LIPI: variants seen among roughly 807,000 people sequenced by gnomAD.
LIPI encodes lipase member I.
Under a neutral mutation model 50.6 loss-of-function variants are expected in LIPI, and 59 were observed. That is an observed-to-expected ratio of 1.16 (90% confidence interval 0.94 to 1.45). The LOEUF is 1.45. Ranked by LOEUF, LIPI falls within the 40% of genes most tolerant of loss-of-function variation. LIPI has a pLI of 0.00. For synonymous variants in LIPI, 203 were observed against 178.2 expected (o/e 1.14, Z -1.11); for missense variants, 586 against 536.3 (o/e 1.09, Z -0.92).
intron 4 of LIPI, among the ~76,000 whole-genome samples, chr21:14,175,078 A>T (rs1359404692): frequency 1.3e-5 from 2 of 152,142 alleles, no homozygotes; most frequent in African/African-American, 4.8e-5. Context: ...TTATTTTTCC[A>T]TTCTCCTATT....
At chr21:14,204,230 A>AT (rs988680276) in intron 1 of LIPI, among the ~76,000 whole-genome samples, 6 of 152,104 alleles carry the variant, frequency 3.9e-5, no homozygotes, top group African/African-American at 1.4e-4. Context: ...TTTTTGAAGG[A>AT]TGAGTGGGTT....
rs143562620 is a variant in LIPI at position 14,121,100 on chromosome 21, A to C, written c.1296-12020T>G. On this transcript the variant is annotated intron_variant, in intron 9 of 9. Transcript: ENST00000681601. ...GGATCAAGGCATTCCCCACCAGGACAGAAAAGGCATGAGAAATAACCAGGA... is the reference window on the plus strand; with the variant it reads ...GGATCAAGGCATTCCCCACCAGGACCGAAAAGGCATGAGAAATAACCAGGA... Among the ~76,000 whole-genome samples the C allele has an allele frequency of 2.3e-3, 345 of 152,328 alleles. 3 individuals carry two copies. Among genetic ancestry groups the C allele is most frequent in the African/African-American group, 7.7e-3 (319 of 41,556 alleles).
At chr21:14,112,814 G>C (rs1054324202) in intron 9 of LIPI, among the ~76,000 whole-genome samples, 11 of 151,904 alleles carry the variant, frequency 7.2e-5, no homozygotes, top group Non-Finnish European at 5.9e-5. Flanking sequence ...TATTAAAAAA[G>C]AAAAACTACT....
At chr21:14,154,230 TTAGA>T (rs1166984388) in intron 7 of LIPI, among the ~76,000 whole-genome samples, 5 of 151,286 alleles carry the variant, frequency 3.3e-5, no homozygotes, top group African/African-American at 1.2e-4. Flanking sequence ...CACAGAAAAA[TTAGA>T]TAGAAGATAA....
chr21:14,170,697 T>C (rs2018865962), intron 4 of LIPI, among the ~76,000 whole-genome samples: 1 of 151,974 alleles, frequency 6.6e-6, no homozygotes. Context: ...ATAAATTAGG[T>C]ATTGATGGGA....
chr21:14,196,912 TA>T (rs1287740138), intron 1 of LIPI, among the ~76,000 whole-genome samples: 1 of 152,064 alleles, frequency 6.6e-6, no homozygotes, highest in Non-Finnish European at 1.5e-5. Flanking sequence ...AAATTAGTTT[TA>T]AAAAACATAG....
At position 14,144,790 on chromosome 21, in the gene LIPI, T is replaced by C; in HGVS notation, c.1128A>G (p.Lys376=). ...TGACTTCTTGAAGTTTATAAAATGGTTTGTTCTTTCTAGAGAGAAAATTTG... is the reference window on the plus strand; with the variant it reads ...TGACTTCTTGAAGTTTATAAAATGGCTTGTTCTTTCTAGAGAGAAAATTTG... ...IEEPRLYEKN[K]PFYKLQEVKI... The change falls in exon 9 of 10, where the codon AAA becomes AAG. Residue 376 remains lysine, a synonymous_variant. Transcript: ENST00000681601. The C allele has an allele frequency of 6.4e-7, 1 of 1,569,066 alleles. No homozygotes were observed. The highest frequency in any genetic ancestry group is 8.8e-7 in the Non-Finnish European group (1 of 1,140,712).
At chr21:14,183,777 T>C (rs963414317) in intron 3 of LIPI, among the ~76,000 whole-genome samples, 1 of 152,144 alleles carries the variant, frequency 6.6e-6, no homozygotes, top group African/African-American at 2.4e-5. Flanking sequence ...CACAATGAGA[T>C]ACCATCTCAC....
chr21:14,111,759 A>T (rs978438346), intron 9 of LIPI, among the ~76,000 whole-genome samples: 1 of 151,996 alleles, frequency 6.6e-6, no homozygotes, highest in African/African-American at 2.4e-5. Context: ...TTGGAGTTGA[A>T]TTTTTTGTAT....
intron 8 of LIPI, among the ~76,000 whole-genome samples, chr21:14,148,430 C>T (rs1326553514): frequency 6.6e-6 from 1 of 151,828 alleles, no homozygotes; most frequent in Non-Finnish European, 1.5e-5. Flanking sequence ...TACTCATGTG[C>T]TGCACAATGA....
At chr21:14,156,600 A>C (rs1287486314) in intron 7 of LIPI, among the ~76,000 whole-genome samples, 1 of 151,908 alleles carries the variant, frequency 6.6e-6, no homozygotes, top group African/African-American at 2.4e-5. Context: ...TAAGCCACCA[A>C]ATTTGTGGTA....
intron 5 of LIPI, among the ~76,000 whole-genome samples, chr21:14,165,681 T>C (rs2018658642): frequency 6.6e-6 from 1 of 152,224 alleles, no homozygotes; most frequent in African/African-American, 2.4e-5. Context: ...CTATACTTAA[T>C]AACTAGTGTA....
rs3048482 is a variant in LIPI at position 14,146,772 on chromosome 21, A to ATTTTTTTTTTTT, written c.1119-1985_1119-1974dup. 2.6e-3 allele frequency among the ~76,000 whole-genome samples: 193 copies of ATTTTTTTTTTTT among 73,376 alleles called. 46 individuals carry two copies. Among genetic ancestry groups the ATTTTTTTTTTTT allele is most frequent in the African/African-American group, 5.3e-3 (87 of 16,546 alleles). The allele number at this position is 73,376 out of a possible 152,430, so 48.1% of individuals were successfully genotyped here. Reference sequence around the variant, plus strand: ...TCTCTTTCTTACTTTCCCAGTCTCTATTTTTTTTTTTTTTTTTTTTTTTTT... The same window carrying ATTTTTTTTTTTT: ...TCTCTTTCTTACTTTCCCAGTCTCTATTTTTTTTTTTTTTTTTTTTTTTTTTTTTTTTTTTTT... On this transcript the variant is annotated intron_variant, in intron 8 of 9. Coordinates refer to ENST00000681601, the MANE Select transcript of LIPI (RefSeq NM_001302998.2).
At chr21:14,166,152 G>A (rs1421769228) in intron 5 of LIPI, among the ~76,000 whole-genome samples, 1 of 151,988 alleles carries the variant, frequency 6.6e-6, no homozygotes, top group African/African-American at 2.4e-5. Flanking sequence ...AATATAAGAG[G>A]TCTCATCCAT....
At position 14,134,579 on chromosome 21, in the gene LIPI, G is replaced by C. The variant is rs138687612; in HGVS notation, c.1295+10044C>G. ...AGAGTAGCCAAAACAGCATGGTACT[G>C]GTATAAAAATAGACACACAGATCAA... is the stretch of plus-strand genomic sequence containing the variant. On this transcript the variant is annotated intron_variant, in intron 9 of 9. Transcript: ENST00000681601. 3.3e-5 allele frequency among the ~76,000 whole-genome samples: 5 copies of C among 152,114 alleles called. No individual in the cohort carries two copies. The South Asian group carries it at 6.2e-4, about 19-fold the overall frequency.
At chr21:14,151,228 T>G (rs965110325) in intron 8 of LIPI, among the ~76,000 whole-genome samples, 1 of 152,224 alleles carries the variant, frequency 6.6e-6, no homozygotes, top group Non-Finnish European at 1.5e-5. Context: ...TAATATCGTT[T>G]CAGATTTTAC....
intron 1 of LIPI, among the ~76,000 whole-genome samples, chr21:14,206,153 T>A (rs528118305): frequency 5.6e-4 from 86 of 152,242 alleles, no homozygotes; most frequent in African/African-American, 2.0e-3. Context: ...GCCTGTGAAA[T>A]TGAGAGCAAG....
At chr21:14,190,371 T>C (rs2019629911) in intron 1 of LIPI, among the ~76,000 whole-genome samples, 1 of 152,154 alleles carries the variant, frequency 6.6e-6, no homozygotes, top group Admixed American at 6.5e-5. Context: ...TAGTATATGT[T>C]CATACTGCTT....
chr21:14,180,576 C>G (rs1045659294), intron 4 of LIPI, among the ~76,000 whole-genome samples: 1 of 152,148 alleles, frequency 6.6e-6, no homozygotes, highest in South Asian at 2.1e-4. Context: ...AAAATTCAGA[C>G]AAGGGACTAC....
Sources: gnomAD v4.1 joint callset for allele counts (sites outside exome capture counted in the v4.1 genomes callset) on GRCh38, gnomAD v4.1.1 for gene constraint, MANE v1.5 for transcripts, NCBI Gene and HGNC (gene_info 2026-07-23, HGNC 2026-07-21) for gene names.